Variants in PRH1 observed in about 807,000 individuals in gnomAD.
The protein encoded by PRH1 is proline rich protein HaeIII subfamily 1.
In PRH1, 7 loss-of-function variants were observed where a neutral mutation model predicts 7.9. That is an observed-to-expected ratio of 0.89 (90% CI 0.50 to 1.67). The LOEUF is 1.67. Ranked by LOEUF, PRH1 falls within the 40% of genes most tolerant of loss-of-function variation. PRH1 has a pLI of 0.00. For missense variants in PRH1, 109 were observed against 223.6 expected, an observed-to-expected ratio of 0.49 and a Z score of 3.27; for synonymous variants, 45 against 80.8, an observed-to-expected ratio of 0.56 and a Z score of 2.38.
chr12:10,918,231 G>A (rs1036001856), intron 2 of PRH1, among the ~76,000 whole-genome samples: 1 of 152,066 alleles, frequency 6.6e-6, no homozygotes, highest in Non-Finnish European at 1.5e-5. Context: ...GCAGGACGGG[G>A]GTGGGAGAGC....
intron 1 of PRH1, among the ~76,000 whole-genome samples, chr12:11,104,707 A>G (rs1242322440): frequency 6.8e-6 from 1 of 146,820 alleles, no homozygotes; most frequent in East Asian, 2.0e-4. Context: ...TTAGGATATG[A>G]TCCTTCACCT....
At chr12:11,141,781 C>T (rs966392938) in intron 1 of PRH1, among the ~76,000 whole-genome samples, 1 of 152,004 alleles carries the variant, frequency 6.6e-6, no homozygotes. Flanking sequence ...CCAGTGAGAA[C>T]TTCCTTGTTT....
chr12:10,974,509 G>A lies in PRH1; in HGVS notation c.-125-788C>T, dbSNP rs536034860. On this transcript the variant is annotated intron_variant, in intron 1 of 3. Coordinates refer to the PRH1 transcript ENST00000539853. The stretch of plus-strand genomic sequence containing the variant: ...GCCTCCCAGAGTTACGGCATTCAGC[G>A]CGGGAGTGCTGAGCTGATCCTTGGC... Among the ~76,000 whole-genome samples the A allele has an allele frequency of 5.8e-4, 88 of 152,256 alleles. No individual in the cohort carries two copies. The South Asian group carries it at 0.017, about 30-fold the overall frequency.
At chr12:11,035,086 C>T (rs1942380702) in intron 1 of PRH1, among the ~76,000 whole-genome samples, 1 of 151,758 alleles carries the variant, frequency 6.6e-6, no homozygotes, top group African/African-American at 2.4e-5. Context: ...CATAATCTAT[C>T]TTTTCCTCTA....
chr12:11,037,602 A>G (rs1286605021), intron 1 of PRH1, among the ~76,000 whole-genome samples: 1 of 152,252 alleles, frequency 6.6e-6, no homozygotes, highest in East Asian at 1.9e-4. Context: ...AACACTTTCA[A>G]ATGTGTATCA....
chr12:11,160,077 C>T (rs544280190), intron 1 of PRH1, among the ~76,000 whole-genome samples: 3 of 152,258 alleles, frequency 2.0e-5, no homozygotes, highest in African/African-American at 7.2e-5. Flanking sequence ...AATGAGAGAT[C>T]ATTTTTCACT....
At chr12:10,936,168 C>G (rs1024326202) in intron 2 of PRH1, among the ~76,000 whole-genome samples, 1 of 151,868 alleles carries the variant, frequency 6.6e-6, no homozygotes, top group Non-Finnish European at 1.5e-5. Flanking sequence ...TACACACACC[C>G]CTGCAGCTTT....
rs539813419 is a variant in PRH1, at chr12:10,889,434, C to T, written c.-58-5159G>A. 5.5e-4 allele frequency among the ~76,000 whole-genome samples: 84 copies of T among 152,160 alleles called. 1 individual carries two copies. The highest frequency in any genetic ancestry group is 5.4e-3 in the Admixed American group (83 of 15,278). On this transcript the variant is annotated intron_variant, in intron 2 of 3. Transcript: ENST00000539853. ...CTATGATGTCATTTCCTTCTTTCTG[C>T]TTTCAATATTTTGTCTTTAATTTTC...
intron 1 of PRH1, among the ~76,000 whole-genome samples, chr12:11,147,313 G>C (rs1440248564): frequency 6.6e-6 from 1 of 151,844 alleles, no homozygotes; most frequent in African/African-American, 2.4e-5. Context: ...TCAGCTTACT[G>C]AGTAGCTGTG....
intron 2 of PRH1, chr12:10,938,257 A>T: frequency 6.3e-7 from 1 of 1,579,122 alleles, no homozygotes; most frequent in Non-Finnish European, 8.6e-7. Context: ...AATATATTCA[A>T]GATGATTCTC....
chr12:10,921,622 T>C (rs1307038684), intron 2 of PRH1, among the ~76,000 whole-genome samples: 1 of 152,238 alleles, frequency 6.6e-6, no homozygotes, highest in Non-Finnish European at 1.5e-5. Context: ...TTTCTATTTA[T>C]TTATTCATTC....
At chr12:10,907,576 A>G (rs1250314831) in intron 2 of PRH1, among the ~76,000 whole-genome samples, 2 of 152,030 alleles carry the variant, frequency 1.3e-5, no homozygotes, top group African/African-American at 4.8e-5. Flanking sequence ...ATATAGATGC[A>G]TAAAATTCTA....
intron 1 of PRH1, among the ~76,000 whole-genome samples, chr12:11,145,056 C>G (rs1408383480): frequency 6.6e-6 from 1 of 152,216 alleles, no homozygotes; most frequent in South Asian, 2.1e-4. Context: ...ACAATACAAG[C>G]ATCCACATGC....
chr12:10,900,825 G>A (rs921172623), intron 2 of PRH1, among the ~76,000 whole-genome samples: 2 of 152,072 alleles, frequency 1.3e-5, no homozygotes, highest in African/African-American at 4.8e-5. Flanking sequence ...GAATAGGGAG[G>A]CCCTCTCTGC....
chr12:11,150,404 A>AAC (rs1465333333), intron 1 of PRH1, among the ~76,000 whole-genome samples: 1 of 152,178 alleles, frequency 6.6e-6, no homozygotes, highest in African/African-American at 2.4e-5. Flanking sequence ...ACAATAGCAA[A>AAC]GACTTGGAAC....
chr12:11,050,357 T>A (rs1943093500), upstream of PRH1, among the ~76,000 whole-genome samples: 1 of 152,222 alleles, frequency 6.6e-6, no homozygotes, highest in Non-Finnish European at 1.5e-5. Flanking sequence ...AGCAGGAATA[T>A]GTCCTTAAGG....
At chr12:11,135,499 C>T (rs2136378196) in intron 1 of PRH1, among the ~76,000 whole-genome samples, 1 of 96,428 alleles carries the variant, frequency 1.0e-5, no homozygotes, top group East Asian at 2.3e-4. Flanking sequence ...GTCACCAGAG[C>T]TATCCAACAA....
chr12:10,997,892 A>C, intron 1 of PRH1: 2 of 1,546,568 alleles, frequency 1.3e-6, no homozygotes, highest in Non-Finnish European at 1.7e-6. Context: ...ACAAAAAAGC[A>C]AGTAAAAAAT....
intron 1 of PRH1, among the ~76,000 whole-genome samples, chr12:11,040,769 T>C (rs946651857): frequency 6.6e-6 from 1 of 152,152 alleles, no homozygotes; most frequent in Non-Finnish European, 1.5e-5. Context: ...ATATTAATAG[T>C]GAAAACAAAA....
Sources: gnomAD v4.1 joint callset for allele counts (sites outside exome capture counted in the v4.1 genomes callset) on GRCh38, gnomAD v4.1.1 for gene constraint, MANE v1.5 for transcripts, NCBI Gene and HGNC (gene_info 2026-07-23, HGNC 2026-07-21) for gene names.